Variants in MTDH observed in about 807,000 individuals in gnomAD.
The protein encoded by MTDH is metadherin, also known as protein LYRIC.
A neutral mutation model predicts 72.7 loss-of-function variants in MTDH; 34 were observed. That is an observed-to-expected ratio of 0.47 (90% CI 0.36 to 0.62). The LOEUF (loss-of-function observed/expected upper bound fraction) is 0.62. MTDH is among the 20% of genes least tolerant of loss of function. The probability of loss-of-function intolerance (pLI) is 0.00; values close to 1 mark genes in which losing one functional copy is unlikely to be tolerated. For synonymous variants in MTDH, 266 were observed against 268.9 expected, an observed-to-expected ratio of 0.99 and a Z score of 0.10; for missense variants, 677 against 699.4, an observed-to-expected ratio of 0.97 and a Z score of 0.36.
chr8:97,721,630 CAGAT>C (rs920740389), intron 10 of MTDH, among the ~76,000 whole-genome samples: 41 of 152,290 alleles, frequency 2.7e-4, no homozygotes, highest in African/African-American at 9.6e-4. Context: ...ATAATGATCA[CAGAT>C]AGAGCTAATA....
At chr8:97,678,578 G>GCTTCCTTC (rs1340280614) in intron 2 of MTDH, among the ~76,000 whole-genome samples, 1 of 133,772 alleles carries the variant, frequency 7.5e-6, no homozygotes, top group Non-Finnish European at 1.6e-5. Context: ...TGTTTCCTTT[G>GCTTCCTTC]CTTCCTTCCT....
chr8:97,709,166 C>T (rs1814514952), intron 8 of MTDH, among the ~76,000 whole-genome samples: 1 of 150,656 alleles, frequency 6.6e-6, no homozygotes, highest in Admixed American at 6.6e-5. Flanking sequence ...TGCACTCCAG[C>T]CTGGACAACA....
intron 2 of MTDH, among the ~76,000 whole-genome samples, chr8:97,678,080 G>C (rs765133926): frequency 6.6e-5 from 10 of 152,152 alleles, no homozygotes; most frequent in Non-Finnish European, 1.2e-4. Context: ...GCCTGGTAGG[G>C]ATAATGTACA....
At chr8:97,690,897 C>A in intron 5 of MTDH, 55 bp from the exon 6 acceptor site, 4 of 1,220,546 alleles carry the variant, frequency 3.3e-6, no homozygotes, top group East Asian at 2.4e-5. Context: ...TGAAAATATC[C>A]CAGTTTTAAG....
At chr8:97,674,814 C>CT (rs112748148) in intron 2 of MTDH, among the ~76,000 whole-genome samples, 9,066 of 147,442 alleles carry the variant, frequency 0.061, 892 homozygotes, top group African/African-American at 0.21. Flanking sequence ...ACTCAGCATT[C>CT]TTTTTTTTTT....
intron 2 of MTDH, among the ~76,000 whole-genome samples, chr8:97,683,271 G>A (rs1156968065): frequency 6.6e-6 from 1 of 151,484 alleles, no homozygotes; most frequent in Non-Finnish European, 1.5e-5. Context: ...CACCATGTTA[G>A]CCAGGATGGT....
At chr8:97,723,943 A>G (rs1379929517) in intron 11 of MTDH, among the ~76,000 whole-genome samples, 2 of 151,974 alleles carry the variant, frequency 1.3e-5, no homozygotes, top group Non-Finnish European at 1.5e-5. Context: ...CCCCGTCTCT[A>G]CTAAAAATAC....
At chr8:97,703,477 C>T (rs1814220752) in intron 7 of MTDH, among the ~76,000 whole-genome samples, 1 of 152,174 alleles carries the variant, frequency 6.6e-6, no homozygotes, top group Admixed American at 6.5e-5. Flanking sequence ...CCTAAACTTT[C>T]TTCTGCTTAA....
intron 8 of MTDH, among the ~76,000 whole-genome samples, chr8:97,709,843 A>G (rs1048652402): frequency 6.6e-6 from 1 of 152,254 alleles, no homozygotes; most frequent in Non-Finnish European, 1.5e-5. Context: ...TTATTTAAAG[A>G]TTTAAAATAC....
At chr8:97,646,643 T>C (rs1811574521) in intron 1 of MTDH, among the ~76,000 whole-genome samples, 1 of 152,222 alleles carries the variant, frequency 6.6e-6, no homozygotes, top group Non-Finnish European at 1.5e-5. Context: ...ATGACTCATC[T>C]GAAAGAATAC....
intron 7 of MTDH, among the ~76,000 whole-genome samples, chr8:97,704,373 A>C (rs1001234020): frequency 6.6e-6 from 1 of 152,202 alleles, no homozygotes; most frequent in Non-Finnish European, 1.5e-5. Flanking sequence ...TAAGGATTGG[A>C]TAGATGTAAT....
At chr8:97,708,929 C>T (rs890464995) in intron 8 of MTDH, among the ~76,000 whole-genome samples, 2 of 151,510 alleles carry the variant, frequency 1.3e-5, no homozygotes, top group African/African-American at 4.8e-5. Context: ...GGATATAGGC[C>T]GGGCACAGTG....
chr8:97,703,720 C>A (rs1409294113), intron 7 of MTDH, among the ~76,000 whole-genome samples: 1 of 152,132 alleles, frequency 6.6e-6, no homozygotes, highest in African/African-American at 2.4e-5. Context: ...AGAGGTTCAT[C>A]AGAATTGTGA....
intron 1 of MTDH, among the ~76,000 whole-genome samples, chr8:97,651,070 G>A (rs927764094): frequency 6.6e-6 from 1 of 152,194 alleles, no homozygotes; most frequent in Non-Finnish European, 1.5e-5. Context: ...GATCAGCATA[G>A]TTGATTTTCT....
rs920266614 is a variant in MTDH at position 97,644,376 on chromosome 8, C to T, written c.-131C>T. The T allele has an allele frequency of 7.8e-6, 10 of 1,281,722 alleles. No individual in the cohort carries two copies. The highest frequency in any genetic ancestry group is 3.0e-5 in the East Asian group (1 of 33,316). The allele number at this position is 1,281,722 out of a possible 1,614,324, so 79.4% of individuals were successfully genotyped here. On this transcript the variant is annotated 5_prime_UTR_variant, in exon 1 of 12. Coordinates refer to ENST00000336273, the MANE Select transcript of MTDH (RefSeq NM_178812.4). ...GGTGGCAGCGGCCGATCCCCGGCTCCGGCGCGAGGGACGGCCGCGATGCGC... is the reference window on the plus strand; with the variant it reads ...GGTGGCAGCGGCCGATCCCCGGCTCTGGCGCGAGGGACGGCCGCGATGCGC...
intron 2 of MTDH, among the ~76,000 whole-genome samples, chr8:97,663,093 A>G (rs1812238619): frequency 6.6e-6 from 1 of 152,068 alleles, no homozygotes; most frequent in Non-Finnish European, 1.5e-5. Flanking sequence ...CACATCTCTG[A>G]CCTAGTGTTT....
Position 97,695,766 on chromosome 8 carries a change from CT to C in MTDH, c.1049-3987del, listed in dbSNP as rs1481844459. Among the ~76,000 whole-genome samples the C allele has an allele frequency of 2.6e-5, 4 of 152,114 alleles. No homozygotes were observed. The East Asian group carries it at 5.8e-4, about 22-fold the overall frequency. ...ATGATAGCTTTTATGGACATTCAGG[CT>C]AGTTATTTAACCTGTATGAACCTCA... On this transcript the variant is annotated intron_variant, in intron 6 of 11. Coordinates refer to ENST00000336273, the MANE Select transcript of MTDH (RefSeq NM_178812.4).
intron 9 of MTDH, among the ~76,000 whole-genome samples, chr8:97,718,820 C>T (rs888257598): frequency 1.3e-5 from 2 of 151,828 alleles, no homozygotes; most frequent in Non-Finnish European, 2.9e-5. Context: ...GCTCAGCCTC[C>T]TGAGTAACTG....
intron 6 of MTDH, among the ~76,000 whole-genome samples, chr8:97,692,567 G>A (rs1050331327): frequency 1.3e-5 from 2 of 151,850 alleles, no homozygotes; most frequent in East Asian, 1.9e-4. Flanking sequence ...TAGTAGAGAC[G>A]GGGTTTCACC....
Sources: gnomAD v4.1 joint callset for allele counts (sites outside exome capture counted in the v4.1 genomes callset) on GRCh38, gnomAD v4.1.1 for gene constraint, MANE v1.5 for transcripts, NCBI Gene and HGNC (gene_info 2026-07-23, HGNC 2026-07-21) for gene names.